CKM: variants seen among roughly 807,000 people sequenced by gnomAD.
CKM encodes creatine kinase, M-type, also known as creatine kinase M-type.
A neutral mutation model predicts 35.4 loss-of-function variants in CKM; 28 were observed. That is an observed-to-expected ratio of 0.79 (90% confidence interval 0.59 to 1.08). CKM has a LOEUF of 1.08. CKM is among the 50% of genes least tolerant of loss of function. The probability of loss-of-function intolerance (pLI) is 0.00; values close to 1 mark genes in which losing one functional copy is unlikely to be tolerated. For missense variants in CKM, 484 were observed against 509.8 expected (o/e 0.95, Z 0.49); for synonymous variants, 215 against 204.4 (o/e 1.05, Z -0.44).
chr19:45,309,227 CAA>C (rs59133395), intron 5 of CKM, among the ~76,000 whole-genome samples: 27 of 80,728 alleles, frequency 3.3e-4, no homozygotes, highest in South Asian at 4.2e-4. Context: ...GACTCCATCT[CAA>C]AAAAAAAAAA....
chr19:45,319,794 T>TC, intron 1 of CKM, 63 bp from the exon 2 acceptor site: 1 of 1,317,070 alleles, frequency 7.6e-7, no homozygotes, highest in East Asian at 2.3e-5. Context: ...TTCTTCTTCT[T>TC]CTTTTTTTTT....
chr19:45,315,605 G>A lies in CKM; in HGVS notation c.349-8C>T, dbSNP rs369070992. 36 of 1,602,702 alleles carry A rather than the reference G, an allele frequency of 2.2e-5. No individual in the cohort carries two copies. Among genetic ancestry groups the A allele is most frequent in the African/African-American group, 4.0e-5 (3 of 74,920 alleles). On this transcript the variant is annotated splice_polypyrimidine_tract_variant and splice_region_variant and intron_variant, in intron 3 of 7. Coordinates refer to ENST00000221476, the MANE Select transcript of CKM (RefSeq NM_001824.5). ...GTCCAGGTCGTCTCCACCCTGGAGA[G>A]CGGGTGGGAGATCAGGACCAGGCAG...
chr19:45,307,528 C>G lies in CKM; in HGVS notation c.900G>C (p.Ala300=), dbSNP rs538248814. Residue 300 remains alanine, a synonymous_variant, in exon 7 of 8, where the codon GCG becomes GCC. Transcript: ENST00000221476. The part of the protein sequence containing the change: ...GLRGGVHVKL[A]HLSKHPKFEE... ...CGAACTTGGGGTGCTTGCTCAGGTG[C>G]GCCAGCTTCACATGCACGCCTCCAC... 6.2e-7 allele frequency: 1 copy of G among 1,614,040 alleles called. No individual in the cohort carries two copies.
Position 45,319,689 on chromosome 19 carries a change from T to C in CKM, c.25A>G (p.Lys9Glu). ...TCAGGCTTGTAATTCAGCTTGAACT[T>C]GTTGTGGGTGTTACCGAATGGCATG... is the stretch of plus-strand genomic sequence containing the variant. MPFGNTHN[K>E]FKLNYKPEEE... is the part of the protein sequence containing the mutation. Residue 9 changes from lysine (K) to glutamate (E), a missense_variant, in exon 2 of 8, where the codon AAG (lysine) becomes GAG (glutamate). By Grantham distance (56) the Lys-to-Glu change is moderately conservative. Coordinates refer to ENST00000221476, the MANE Select transcript of CKM (RefSeq NM_001824.5). 6.2e-7 allele frequency: 1 copy of C among 1,614,160 alleles called. No individual in the cohort carries two copies. The highest frequency in any genetic ancestry group is 8.5e-7 in the Non-Finnish European group (1 of 1,180,034).
intron 1 of CKM, among the ~76,000 whole-genome samples, chr19:45,320,140 G>A (rs1463276488): frequency 6.6e-6 from 1 of 151,372 alleles, no homozygotes; most frequent in Non-Finnish European, 1.5e-5. Context: ...AGGTTGGAGT[G>A]CAGTGGCGAG....
chr19:45,319,459 C>A (rs999477695), intron 2 of CKM, 62 bp downstream of exon 2: 38 of 1,357,406 alleles, frequency 2.8e-5, no homozygotes, highest in Admixed American at 5.4e-5. Context: ...GGGATTGGGG[C>A]ATGGCCGGCA....
At chr19:45,309,452 A>C (rs1344122221) in intron 5 of CKM, among the ~76,000 whole-genome samples, 1 of 148,576 alleles carries the variant, frequency 6.7e-6, no homozygotes, top group East Asian at 2.0e-4. Flanking sequence ...GCCACTGGGG[A>C]GGCTGAGGCG....
chr19:45,312,485 C>T (rs567168491), intron 4 of CKM, among the ~76,000 whole-genome samples: 3 of 151,574 alleles, frequency 2.0e-5, no homozygotes, highest in South Asian at 2.1e-4. Flanking sequence ...CGCAATGGCG[C>T]GATCTTGGCT....
intron 3 of CKM, 75 bp from the exon 4 acceptor site, chr19:45,315,672 C>T (rs1022978625): frequency 1.5e-5 from 24 of 1,562,002 alleles, no homozygotes; most frequent in Middle Eastern, 1.7e-4. Flanking sequence ...CCCCCAGATG[C>T]TCCCCTCAGT....
chr19:45,313,848 A>G (rs1348318137), intron 4 of CKM, among the ~76,000 whole-genome samples: 1 of 152,160 alleles, frequency 6.6e-6, no homozygotes, highest in Non-Finnish European at 1.5e-5. Context: ...CTCCATCTCA[A>G]AAAAGAGATT....
At chr19:45,310,146 A>T (rs1217446727) in intron 5 of CKM, among the ~76,000 whole-genome samples, 2 of 113,746 alleles carry the variant, frequency 1.8e-5, no homozygotes, top group Non-Finnish European at 3.5e-5. Context: ...TTTGAGACAG[A>T]GTCTTGGTCT....
intron 5 of CKM, 125 bp from the exon 6 acceptor site, chr19:45,308,657 C>T: frequency 8.3e-7 from 1 of 1,202,452 alleles, no homozygotes; most frequent in South Asian, 1.2e-5. Context: ...AGGTGGGTGG[C>T]ATCTGCCTCC....
Position 45,307,652 on chromosome 19 carries a change from T to G in CKM, c.778-2A>C. 1.9e-6 allele frequency: 3 copies of G among 1,613,494 alleles called. No homozygotes were observed. Among genetic ancestry groups the G allele is most frequent in the East Asian group, 2.2e-5 (1 of 44,880 alleles). On this transcript the variant is annotated splice_acceptor_variant, in intron 6 of 7. Transcript: ENST00000221476. LOFTEE classifies it high-confidence loss of function. ...AGCTTTCTTAAAGATCTCCTCAATC[T>G]GAGGTTCAGAGAGAGGACCAGGGGT...
rs376033705 is a variant in CKM at position 45,315,523 on chromosome 19, C to A, written c.423G>T (p.Thr141=). 5.0e-6 allele frequency: 8 copies of A among 1,601,576 alleles called. No homozygotes were observed. Among genetic ancestry groups the A allele is most frequent in the Non-Finnish European group, 6.8e-6 (8 of 1,179,934 alleles). ...VRTGRSIKGY[T]LPPHCSRGER... ...CGCCACGGGAGCAGTGTGGGGGCAA[C>A]GTGTAGCCCTTGATGCTGCGGCCAG... Residue 141 remains threonine, a synonymous_variant, in exon 4 of 8, where the codon ACG becomes ACT. Transcript: ENST00000221476.
Position 45,317,839 on chromosome 19 carries a change from G to C in CKM, c.334C>G (p.His112Asp), listed in dbSNP as rs1234670205. 1.2e-6 allele frequency: 2 copies of C among 1,614,014 alleles called. No individual in the cohort carries two copies. ...CAGACACCGACCTTGAGGTTTTCAT[G>C]GTTGAGGTCAGTCTTGTGCTTGTCA... is the stretch of plus-strand genomic sequence containing the variant. The part of the protein sequence containing the change: ...PTDKHKTDLN[H>D]ENLKGGDDLD... Residue 112 changes from histidine to aspartate, a missense_variant, in exon 3 of 8, where the codon CAT becomes GAT. Transcript: ENST00000221476.
chr19:45,316,353 AG>A, intron 3 of CKM, among the ~76,000 whole-genome samples: 1 of 149,610 alleles, frequency 6.7e-6, no homozygotes, highest in Non-Finnish European at 1.5e-5. Context: ...AAATAGAGAC[AG>A]GGTGTCACTA....
Position 45,310,116 on chromosome 19 carries a change from C to CTTTTT in CKM, c.654-1589_654-1585dup, listed in dbSNP as rs56240150. 2.8e-3 allele frequency among the ~76,000 whole-genome samples: 266 copies of CTTTTT among 93,936 alleles called. 6 individuals are homozygous for CTTTTT. The highest frequency in any genetic ancestry group is 3.7e-3 in the Non-Finnish European group (187 of 50,148). The allele number at this position is 93,936 out of a possible 152,430, so 61.6% of individuals were successfully genotyped here. Reference sequence around the variant, plus strand: ...AACACTTAGTGTATACCAGGCACTGCTTTTTTTTTTTTTTTTTTTTTTGAG... The same window carrying CTTTTT: ...AACACTTAGTGTATACCAGGCACTGCTTTTTTTTTTTTTTTTTTTTTTTTTTTGAG... On this transcript the variant is annotated intron_variant, in intron 5 of 7. Coordinates refer to ENST00000221476, the MANE Select transcript of CKM (RefSeq NM_001824.5).
chr19:45,310,612 C>T (rs1213372576), intron 5 of CKM, among the ~76,000 whole-genome samples: 3 of 151,894 alleles, frequency 2.0e-5, no homozygotes, highest in African/African-American at 7.3e-5. Flanking sequence ...CTAGGGAGTA[C>T]GGTTCAAGTC....
rs776346945 is a variant in CKM at position 45,319,723 on chromosome 19, G to T, written c.-10C>A. Reference sequence around the variant, plus strand: ...TGTTACCGAATGGCATGGTGGCGGTGTAGGAGACCTGATGGGCAGGGCAGG... The same window carrying T: ...TGTTACCGAATGGCATGGTGGCGGTTTAGGAGACCTGATGGGCAGGGCAGG... On this transcript the variant is annotated 5_prime_UTR_variant, in exon 2 of 8. Coordinates refer to ENST00000221476, the MANE Select transcript of CKM (RefSeq NM_001824.5). 2.5e-6 allele frequency: 4 copies of T among 1,613,892 alleles called. No homozygotes were observed. The highest frequency in any genetic ancestry group is 3.4e-6 in the Non-Finnish European group (4 of 1,179,840).
Sources: allele counts gnomAD v4.1 joint callset (sites outside exome capture counted in the v4.1 genomes callset), GRCh38; gene constraint gnomAD v4.1.1; transcripts MANE v1.5; gene names NCBI Gene and HGNC (gene_info 2026-07-23, HGNC 2026-07-21).